The following ADAM23 variants were observed in gnomAD, a reference collection of about 807,000 sequenced individuals.
ADAM23 encodes the protein ADAM metallopeptidase domain 23.
In ADAM23, 33 loss-of-function variants were observed where a neutral mutation model predicts 120.1. The observed-to-expected ratio is 0.27, with a 90% CI of 0.21 to 0.37. ADAM23 has a LOEUF of 0.37. Among genes scored for constraint, ADAM23 ranks in the 10% least tolerant of loss-of-function variants. The pLI, the probability that ADAM23 is intolerant of heterozygous loss-of-function variation, is 1.00. For missense variants in ADAM23, 862 were observed against 1,058.2 expected (o/e 0.81, Z 2.57); for synonymous variants, 367 against 375.2 (o/e 0.98, Z 0.25).
chr2:206,528,961 ATCACTTGTCATT>A (rs1345897177), intron 3 of ADAM23, among the ~76,000 whole-genome samples: 1 of 152,306 alleles, frequency 6.6e-6, no homozygotes, highest in African/African-American at 2.4e-5. Flanking sequence ...AATGCGAGTT[ATCACTTGTCATT>A]ATTCCTAGTG....
chr2:206,469,016 C>T (rs1008781816), intron 2 of ADAM23, among the ~76,000 whole-genome samples: 3 of 152,090 alleles, frequency 2.0e-5, no homozygotes, highest in Non-Finnish European at 4.4e-5. Flanking sequence ...GATGACAGCT[C>T]CAAGGGGGAT....
At chr2:206,586,916 A>G (rs1163124611) in intron 18 of ADAM23, among the ~76,000 whole-genome samples, 1 of 152,194 alleles carries the variant, frequency 6.6e-6, no homozygotes, top group Non-Finnish European at 1.5e-5. Flanking sequence ...GTAAAATGTC[A>G]TGATGTCAAA....
At chr2:206,614,510 C>T (rs1057269000) in intron 25 of ADAM23, among the ~76,000 whole-genome samples, 2 of 152,002 alleles carry the variant, frequency 1.3e-5, no homozygotes, top group African/African-American at 4.8e-5. Context: ...CAAAAATTAA[C>T]CGGGCATGGT....
chr2:206,505,444 G>C (rs1031418621), intron 3 of ADAM23, among the ~76,000 whole-genome samples: 1 of 152,192 alleles, frequency 6.6e-6, no homozygotes, highest in Non-Finnish European at 1.5e-5. Context: ...ATGGAGAAAA[G>C]AGGTTTAACT....
chr2:206,451,838 A>T (rs939210991), intron 2 of ADAM23, among the ~76,000 whole-genome samples: 2 of 152,188 alleles, frequency 1.3e-5, no homozygotes, highest in African/African-American at 4.8e-5. Flanking sequence ...AAGTCCTAGG[A>T]AGTCAAGAGA....
intron 2 of ADAM23, among the ~76,000 whole-genome samples, chr2:206,477,403 G>T (rs1695795638): frequency 6.6e-6 from 1 of 152,144 alleles, no homozygotes; most frequent in South Asian, 2.1e-4. Flanking sequence ...TACTAAAGTG[G>T]TTAGGCAGCA....
chr2:206,573,662 A>G (rs574081132), intron 18 of ADAM23, among the ~76,000 whole-genome samples: 23 of 152,308 alleles, frequency 1.5e-4, no homozygotes, highest in Admixed American at 1.5e-3. Context: ...AGACATTGAA[A>G]AAATAATATG....
Position 206,589,513 on chromosome 2 carries a change from C to T in ADAM23, c.1957C>T (p.His653Tyr), listed in dbSNP as rs776732787. ...AGACCGGTGGATTCAGTGCAGCAAACAGTGAGTGGTCAGCTCTAAGGGCAT... is the reference window on the plus strand; with the variant it reads ...AGACCGGTGGATTCAGTGCAGCAAATAGTGAGTGGTCAGCTCTAAGGGCAT... Reference protein sequence around the residue: ...DGDRWIQCSKHDVFCGFLLCT... With the variant: ...DGDRWIQCSKYDVFCGFLLCT... Residue 653 changes from histidine to tyrosine, a missense_variant and splice_region_variant, in exon 21 of 26, where the codon CAT becomes TAT. Physicochemically the swap from His to Tyr is moderately conservative, Grantham distance 83. Coordinates refer to ENST00000264377, the MANE Select transcript of ADAM23 (RefSeq NM_003812.4). 3 of 1,612,636 alleles carry T rather than the reference C, an allele frequency of 1.9e-6. No individual in the cohort carries two copies. Among genetic ancestry groups the T allele is most frequent in the Non-Finnish European group, 2.5e-6 (3 of 1,179,182 alleles).
At chr2:206,474,034 A>G (rs1460771784) in intron 2 of ADAM23, among the ~76,000 whole-genome samples, 1 of 151,734 alleles carries the variant, frequency 6.6e-6, no homozygotes, top group Admixed American at 6.6e-5. Context: ...ACAAAAAAAA[A>G]AAACCAGAAA....
chr2:206,591,419 C>G (rs906846310), intron 21 of ADAM23, among the ~76,000 whole-genome samples: 8 of 152,108 alleles, frequency 5.3e-5, no homozygotes, highest in African/African-American at 1.9e-4. Context: ...TATTTTGCTT[C>G]TCAAGTCCAG....
chr2:206,508,154 C>A (rs959948329), intron 3 of ADAM23, among the ~76,000 whole-genome samples: 1 of 152,060 alleles, frequency 6.6e-6, no homozygotes, highest in Non-Finnish European at 1.5e-5. Context: ...CTCAGCCTCC[C>A]GAGTAGCTGG....
At chr2:206,449,673 G>A (rs1197125203) in intron 2 of ADAM23, among the ~76,000 whole-genome samples, 1 of 152,356 alleles carries the variant, frequency 6.6e-6, no homozygotes, top group East Asian at 1.9e-4. Flanking sequence ...GGGAGACTGA[G>A]GCATGAGAAT....
intron 3 of ADAM23, among the ~76,000 whole-genome samples, chr2:206,508,191 A>G (rs537374523): frequency 2.1e-4 from 32 of 152,060 alleles, no homozygotes; most frequent in South Asian, 6.2e-4. Context: ...CACCACGCCC[A>G]GCTAATTTTT....
At chr2:206,445,991 C>G (rs943656520) in intron 2 of ADAM23, among the ~76,000 whole-genome samples, 1 of 152,122 alleles carries the variant, frequency 6.6e-6, no homozygotes, top group Non-Finnish European at 1.5e-5. Flanking sequence ...AGTGTTTAAA[C>G]AGTCTGTTTC....
chr2:206,501,938 C>T (rs927151596), intron 3 of ADAM23, among the ~76,000 whole-genome samples: 4 of 152,018 alleles, frequency 2.6e-5, no homozygotes, highest in African/African-American at 7.2e-5. Context: ...AATTGAAATG[C>T]AGTAACACAA....
At chr2:206,564,343 A>C (rs1697835523) in intron 13 of ADAM23, among the ~76,000 whole-genome samples, 1 of 152,154 alleles carries the variant, frequency 6.6e-6, no homozygotes, top group South Asian at 2.1e-4. Flanking sequence ...TTTTTAAGTG[A>C]TTATGTACAC....
chr2:206,594,813 A>T lies in ADAM23; in HGVS notation c.2155A>T (p.Met719Leu). The T allele has an allele frequency of 6.2e-7, 1 of 1,614,196 alleles. No homozygotes were observed. The change falls in exon 23 of 26, where the codon ATG becomes TTG. Residue 719 changes from methionine (M) to leucine (L), a missense_variant. By Grantham distance (15) the Met-to-Leu change is conservative (BLOSUM62 2). This residue lies in a region of ADAM23 where 617 missense variants were observed against 813.5 expected (regional missense o/e 0.76). Transcript: ENST00000264377. ...EDGTPCGPSM[M>L]CLDRKCLQIQ... ...TGGAACGCCATGTGGCCCGTCTATG[A>T]TGTGTTTAGATCGGAAGTGCCTACA...
intron 2 of ADAM23, among the ~76,000 whole-genome samples, chr2:206,467,473 T>C (rs1158934463): frequency 6.6e-6 from 1 of 152,192 alleles, no homozygotes; most frequent in African/African-American, 2.4e-5. Context: ...TACAAAATAA[T>C]CTTTGACTGC....
intron 21 of ADAM23, 30 bp downstream of exon 21, chr2:206,589,544 C>T (rs1698387259): frequency 6.4e-7 from 1 of 1,572,100 alleles, no homozygotes; most frequent in African/African-American, 1.4e-5. Flanking sequence ...GGCATAGTCA[C>T]TGGACTTGGA....
Sources: allele counts gnomAD v4.1 joint callset (sites outside exome capture counted in the v4.1 genomes callset), GRCh38; gene constraint gnomAD v4.1.1; regional missense constraint gnomAD v4.1.1; transcripts MANE v1.5; gene names NCBI Gene and HGNC (gene_info 2026-07-23, HGNC 2026-07-21).